Variants in KATNAL2 observed in about 807,000 individuals in gnomAD.
KATNAL2 encodes katanin catalytic subunit A1 like 2.
In KATNAL2, 52 loss-of-function variants were observed where a neutral mutation model predicts 76.3. The ratio of observed to expected loss-of-function variants is 0.68; its 90% CI spans 0.55 to 0.86. KATNAL2 has a LOEUF of 0.86. Ranked by LOEUF, KATNAL2 falls within the 40% of genes least tolerant of loss-of-function variation. The probability of loss-of-function intolerance (pLI) is 0.00; values close to 1 mark genes in which losing one functional copy is unlikely to be tolerated. For synonymous variants in KATNAL2, 243 were observed against 244.2 expected (o/e 1.00, Z 0.05); for missense variants, 660 against 668.9 (o/e 0.99, Z 0.15).
intron 3 of KATNAL2, among the ~76,000 whole-genome samples, chr18:46,961,287 G>A (rs1231822706): frequency 2.6e-5 from 4 of 152,004 alleles, no homozygotes; most frequent in South Asian, 2.1e-4. Context: ...TGGCAGGGGC[G>A]GTGGGGGTGG....
At chr18:47,033,429 C>T (rs756246313) in intron 3 of KATNAL2, 9 of 1,613,570 alleles carry the variant, frequency 5.6e-6, no homozygotes, top group East Asian at 2.2e-5. Context: ...CTGGGGCGTC[C>T]GGAAGCCGCA....
intron 1 of KATNAL2, among the ~76,000 whole-genome samples, chr18:46,922,383 C>T (rs894243862): frequency 6.6e-6 from 1 of 151,936 alleles, no homozygotes; most frequent in Non-Finnish European, 1.5e-5. Flanking sequence ...TGATGTGAGC[C>T]GCTGCTCCCG....
At chr18:46,944,116 G>A (rs969213254) in intron 1 of KATNAL2, among the ~76,000 whole-genome samples, 2 of 152,174 alleles carry the variant, frequency 1.3e-5, no homozygotes, top group African/African-American at 4.8e-5. Context: ...ATGGCCAGAG[G>A]AAGAAGCTCT....
chr18:46,930,022 T>G (rs1416709427), intron 1 of KATNAL2, among the ~76,000 whole-genome samples: 1 of 152,020 alleles, frequency 6.6e-6, no homozygotes, highest in Non-Finnish European at 1.5e-5. Context: ...TGATCCGCCC[T>G]CGTCGACCCC....
chr18:47,033,047 C>T (rs1283471253), intron 3 of KATNAL2: 1 of 1,614,024 alleles, frequency 6.2e-7, no homozygotes, highest in African/African-American at 1.3e-5. Flanking sequence ...ATTGCCTTGG[C>T]CATCAGCGGG....
chr18:47,042,753 A>C (rs1299229452), intron 3 of KATNAL2, among the ~76,000 whole-genome samples: 1 of 152,204 alleles, frequency 6.6e-6, no homozygotes, highest in Non-Finnish European at 1.5e-5. Context: ...CCCCTATCCA[A>C]TTAATAGGTA....
intron 3 of KATNAL2, chr18:47,033,390 A>G (rs1336558272): frequency 1.2e-6 from 2 of 1,614,112 alleles, no homozygotes; most frequent in Non-Finnish European, 1.7e-6. Context: ...CAGATCGGAT[A>G]TTCGTTGTCA....
intron 1 of KATNAL2, among the ~76,000 whole-genome samples, chr18:46,930,307 T>A (rs1162059176): frequency 6.6e-6 from 1 of 152,218 alleles, no homozygotes; most frequent in Non-Finnish European, 1.5e-5. Flanking sequence ...ATATGCCTCT[T>A]TTTACATATC....
At chr18:47,097,315 GAGA>G (rs1030290641) in intron 15 of KATNAL2, among the ~76,000 whole-genome samples, 5 of 152,114 alleles carry the variant, frequency 3.3e-5, no homozygotes, top group East Asian at 1.9e-4. Flanking sequence ...TACTTGCTGA[GAGA>G]AGATGTTTTT....
At chr18:47,034,152 A>G in intron 3 of KATNAL2, 1 of 1,614,206 alleles carries the variant, frequency 6.2e-7, no homozygotes, top group Non-Finnish European at 8.5e-7. Context: ...CCTCAGCCAT[A>G]TCTACCTCCT....
At chr18:46,951,923 G>T (rs180821343) in intron 3 of KATNAL2, among the ~76,000 whole-genome samples, 1 of 151,964 alleles carries the variant, frequency 6.6e-6, no homozygotes, top group East Asian at 1.9e-4. Flanking sequence ...ACAGGGGTGC[G>T]CCACCATGCC....
rs1359411144 is a variant in KATNAL2, at chr18:47,033,826, G to A, written c.52-12631G>A. The A allele has an allele frequency of 3.1e-6, 5 of 1,614,060 alleles. No individual in the cohort carries two copies. In the African/African-American group the frequency reaches 5.3e-5, roughly 17 times the overall value. ...CTTTGCCTGGGAGGTCATGGAGTCA[G>A]AATCCGAAAGCGGATCGTAGTTGGC... is the stretch of plus-strand genomic sequence containing the variant. On this transcript the variant is annotated intron_variant, in intron 3 of 17. Transcript: ENST00000683218.
chr18:46,922,720 C>A (rs1335018824), intron 1 of KATNAL2, among the ~76,000 whole-genome samples: 1 of 151,712 alleles, frequency 6.6e-6, no homozygotes, highest in Non-Finnish European at 1.5e-5. Flanking sequence ...TCGCTTGAAC[C>A]CAGGAGGCAG....
In KATNAL2 at chr18:46,919,007, A is replaced by ATATG. The variant is rs550181494; in HGVS notation, c.-510+1082_-510+1083insATGT. Among the ~76,000 whole-genome samples the ATATG allele has an allele frequency of 9.8e-3, 1,411 of 143,256 alleles. 9 individuals are homozygous for ATATG. Among genetic ancestry groups the ATATG allele is most frequent in the Middle Eastern group, 0.025 (7 of 282 alleles). The allele number at this position is 143,256 out of a possible 152,430, so 94.0% of individuals were successfully genotyped here. On this transcript the variant is annotated intron_variant, in intron 1 of 17. Coordinates refer to ENST00000683218, the MANE Select transcript of KATNAL2 (RefSeq NM_001387690.1). Reference sequence around the variant, plus strand: ...TATGTGTGTGCGTGTATATATATATATGTGTGTGTGTGTGTGTGTGTGTGT... The same window carrying ATATG: ...TATGTGTGTGCGTGTATATATATATATATGTGTGTGTGTGTGTGTGTGTGTGTGT...
At chr18:46,931,140 A>AATAAT (rs145690867) in intron 1 of KATNAL2, among the ~76,000 whole-genome samples, 3 of 29,076 alleles carry the variant, frequency 1.0e-4, no homozygotes, top group African/African-American at 1.6e-4. Context: ...TAATAATAAT[A>AATAAT]AATAAATAAA....
chr18:47,087,877 T>A (rs543722940), intron 15 of KATNAL2, among the ~76,000 whole-genome samples: 1 of 152,246 alleles, frequency 6.6e-6, no homozygotes, highest in East Asian at 1.9e-4. Context: ...TTTAATCTAT[T>A]GTGGACAACT....
At chr18:47,033,806 C>T in intron 3 of KATNAL2, 2 of 1,614,180 alleles carry the variant, frequency 1.2e-6, no homozygotes, top group Non-Finnish European at 1.7e-6. Context: ...TCTGGCTTTG[C>T]CTGGGAGGTC....
chr18:47,039,043 G>A (rs1040060395), intron 3 of KATNAL2, among the ~76,000 whole-genome samples: 2 of 152,148 alleles, frequency 1.3e-5, no homozygotes, highest in African/African-American at 4.8e-5. Flanking sequence ...TCATGGTGCT[G>A]TGTGTGATAA....
chr18:46,940,620 A>G (rs1369388669), intron 1 of KATNAL2, among the ~76,000 whole-genome samples: 5 of 152,320 alleles, frequency 3.3e-5, no homozygotes, highest in South Asian at 4.1e-4. Flanking sequence ...TTGCATGCCT[A>G]GAGAAGCTCT....
Sources: allele counts gnomAD v4.1 joint callset (sites outside exome capture counted in the v4.1 genomes callset), GRCh38; gene constraint gnomAD v4.1.1; transcripts MANE v1.5; gene names NCBI Gene and HGNC (gene_info 2026-07-23, HGNC 2026-07-21).